TLE4: variants seen among roughly 807,000 people sequenced by gnomAD.
The protein encoded by TLE4 is transducin-like enhancer protein 4.
Under a neutral mutation model 92.8 loss-of-function variants are expected in TLE4, and 8 were observed. That is an observed-to-expected ratio of 0.09 (90% CI 0.05 to 0.16). The LOEUF (loss-of-function observed/expected upper bound fraction) is 0.16, where lower values mean the gene tolerates loss of function less well. TLE4 is among the 10% of genes least tolerant of loss of function. TLE4 has a pLI of 1.00. For missense variants in TLE4, 675 were observed against 997.6 expected (o/e 0.68, Z 4.36); for synonymous variants, 371 against 374.1 (o/e 0.99, Z 0.10).
chr9:79,628,426 C>T (rs969501102), intron 6 of TLE4, among the ~76,000 whole-genome samples: 1 of 151,912 alleles, frequency 6.6e-6, no homozygotes, highest in African/African-American at 2.4e-5. Context: ...GCCTGATAAT[C>T]AATCTGAAGT....
intron 8 of TLE4, among the ~76,000 whole-genome samples, chr9:79,704,162 G>T (rs1215775245): frequency 6.6e-6 from 1 of 152,004 alleles, no homozygotes; most frequent in Non-Finnish European, 1.5e-5. Context: ...CGCCCAGGCT[G>T]GAATGCAGTG....
chr9:79,611,048 T>C (rs768828308), intron 4 of TLE4, among the ~76,000 whole-genome samples: 20 of 152,120 alleles, frequency 1.3e-4, no homozygotes, highest in Non-Finnish European at 2.8e-4. Context: ...CCTCCACCTC[T>C]CCCTGCAAAA....
intron 15 of TLE4, among the ~76,000 whole-genome samples, chr9:79,719,437 G>A (rs914565015): frequency 3.9e-5 from 6 of 152,062 alleles, no homozygotes; most frequent in Non-Finnish European, 8.8e-5. Context: ...GGCTACATCA[G>A]TTGAACATAA....
chr9:79,693,032 G>A (rs184292003), intron 8 of TLE4, among the ~76,000 whole-genome samples: 6 of 152,304 alleles, frequency 3.9e-5, no homozygotes, highest in Non-Finnish European at 1.5e-5. Flanking sequence ...CCTCATGAGT[G>A]CATGTGTATT....
chr9:79,686,879 C>T (rs1027955771), intron 8 of TLE4, among the ~76,000 whole-genome samples: 2 of 152,314 alleles, frequency 1.3e-5, no homozygotes, highest in East Asian at 1.9e-4. Flanking sequence ...TGTGTTTCAT[C>T]ATCAGTGAAG....
intron 6 of TLE4, among the ~76,000 whole-genome samples, chr9:79,645,300 G>A (rs1248393415): frequency 2.6e-5 from 4 of 152,168 alleles, no homozygotes; most frequent in Non-Finnish European, 4.4e-5. Context: ...TGTTTCTAAG[G>A]AAGGTGCGTG....
intron 1 of TLE4, chr9:79,573,417 T>G: frequency 4.2e-6 from 5 of 1,190,240 alleles, no homozygotes; most frequent in African/African-American, 3.2e-5. Flanking sequence ...GTGCCTGTCT[T>G]TGGCCGGGGA....
intron 4 of TLE4, among the ~76,000 whole-genome samples, chr9:79,577,007 G>A (rs149078051): frequency 3.3e-5 from 5 of 151,726 alleles, no homozygotes; most frequent in Non-Finnish European, 5.9e-5. Flanking sequence ...ATTGTTTGGC[G>A]ATAGTAATTC....
chr9:79,708,862 C>T (rs887572634), intron 13 of TLE4, 76 bp downstream of exon 13: 37 of 1,466,792 alleles, frequency 2.5e-5, no homozygotes, highest in African/African-American at 1.3e-4. Flanking sequence ...GACAGGGTCT[C>T]GCTCTGTCAC....
chr9:79,655,259 A>T (rs1386635824), intron 8 of TLE4, among the ~76,000 whole-genome samples: 1 of 152,230 alleles, frequency 6.6e-6, no homozygotes, highest in African/African-American at 2.4e-5. Context: ...GTTCTCAACC[A>T]TTGGCCGAGG....
rs536418134 is a variant in TLE4 at position 79,619,234 on chromosome 9, G to T, written c.315+6516G>T. Among the ~76,000 whole-genome samples, 3 of 152,280 alleles carry T rather than the reference G, an allele frequency of 2.0e-5. 1 individual carries two copies. The East Asian group carries it at 5.8e-4, about 29-fold the overall frequency. On this transcript the variant is annotated intron_variant, in intron 5 of 19. Coordinates refer to ENST00000376552, the MANE Select transcript of TLE4 (RefSeq NM_007005.6). ...ATACATAAACTCCTGTTTTGGACAT[G>T]CCATAAATTTGGTCCATGTAATTTG...
At chr9:79,573,822 C>T (rs763204384) in intron 2 of TLE4, 36 bp downstream of exon 2, 36 of 1,465,652 alleles carry the variant, frequency 2.5e-5, no homozygotes, top group Admixed American at 7.1e-5. Flanking sequence ...CTTCTGTTTG[C>T]TTAGCTCTTG....
chr9:79,640,290 A>G (rs1455190253), intron 6 of TLE4, among the ~76,000 whole-genome samples: 1 of 152,162 alleles, frequency 6.6e-6, no homozygotes, highest in Non-Finnish European at 1.5e-5. Flanking sequence ...CAGGAAACGA[A>G]GAAACAGGTT....
chr9:79,705,816 T>G, intron 9 of TLE4, 73 bp from the exon 10 acceptor site: 1 of 1,436,806 alleles, frequency 7.0e-7, no homozygotes. Flanking sequence ...GAGGAATTAG[T>G]CTGGACTTAC....
At chr9:79,644,155 G>A (rs2057687831) in intron 6 of TLE4, among the ~76,000 whole-genome samples, 1 of 152,122 alleles carries the variant, frequency 6.6e-6, no homozygotes, top group South Asian at 2.1e-4. Flanking sequence ...TGCTATTCTT[G>A]TGATACTAAG....
chr9:79,630,731 CCTGA>C lies in TLE4; in HGVS notation c.390+3286_390+3289del, dbSNP rs376747814. On this transcript the variant is annotated intron_variant, in intron 6 of 19. Transcript: ENST00000376552. Reference sequence around the variant, plus strand: ...TTTCCTGTATTATTAAATTGAGTCACCTGACTATCTTAAAATGCTTTTTAAATCT... The same window carrying C: ...TTTCCTGTATTATTAAATTGAGTCACCTATCTTAAAATGCTTTTTAAATCT... Among the ~76,000 whole-genome samples, 58 of 152,240 alleles carry C rather than the reference CCTGA, an allele frequency of 3.8e-4. 1 individual carries two copies. Among genetic ancestry groups the C allele is most frequent in the African/African-American group, 1.3e-3 (52 of 41,530 alleles).
At chr9:79,697,866 C>G (rs1419968169) in intron 8 of TLE4, among the ~76,000 whole-genome samples, 1 of 152,086 alleles carries the variant, frequency 6.6e-6, no homozygotes, top group African/African-American at 2.4e-5. Flanking sequence ...TATTTTGACT[C>G]AAGGAGCCCT....
intron 8 of TLE4, among the ~76,000 whole-genome samples, chr9:79,687,785 A>G (rs761967047): frequency 6.6e-6 from 1 of 152,228 alleles, no homozygotes; most frequent in Admixed American, 6.5e-5. Context: ...GTCTTCAACT[A>G]TCAGCCCTTT....
At chr9:79,572,958 C>G (rs999525703) in intron 1 of TLE4, 123 bp downstream of exon 1, 6 of 1,082,044 alleles carry the variant, frequency 5.5e-6, no homozygotes, top group African/African-American at 5.1e-5. Context: ...ATCGGCGCCC[C>G]GCGCCGGGAG....
Sources: allele counts gnomAD v4.1 joint callset (sites outside exome capture counted in the v4.1 genomes callset), GRCh38; gene constraint gnomAD v4.1.1; transcripts MANE v1.5; gene names NCBI Gene and HGNC (gene_info 2026-07-23, HGNC 2026-07-21).